SLC36A1: variants seen among roughly 807,000 people sequenced by gnomAD.
SLC36A1 encodes the protein proton-coupled amino acid transporter 1.
In SLC36A1, 30 loss-of-function variants were observed where a neutral mutation model predicts 47.5. The ratio of observed to expected loss-of-function variants is 0.63; its 90% confidence interval spans 0.47 to 0.86. SLC36A1 has a LOEUF of 0.86. Ranked by LOEUF, SLC36A1 falls within the 40% of genes least tolerant of loss-of-function variation. SLC36A1 has a pLI of 0.00. For synonymous variants in SLC36A1, 255 were observed against 249.7 expected (o/e 1.02, Z -0.20); for missense variants, 517 against 606.0 (o/e 0.85, Z 1.54).
the SLC36A1 span, among the ~76,000 whole-genome samples, chr5:151,389,303 C>T: frequency 6.6e-6 from 1 of 152,138 alleles, no homozygotes; most frequent in African/African-American, 2.4e-5. Flanking sequence ...CTTTCCCTCC[C>T]TTTGTAATCT....
chr5:151,495,744 A>G (rs533719620), downstream of SLC36A1, among the ~76,000 whole-genome samples: 25 of 152,320 alleles, frequency 1.6e-4, no homozygotes, highest in African/African-American at 6.0e-4. Flanking sequence ...TCATGAAATT[A>G]ATAATAATAA....
the SLC36A1 span, among the ~76,000 whole-genome samples, chr5:151,348,197 G>A: frequency 0.013 from 1,951 of 152,238 alleles, 64 homozygotes; most frequent in East Asian, 0.15. Context: ...TGGAAACGGG[G>A]AAGAGGCTGA....
At chr5:151,388,525 G>A in the SLC36A1 span, among the ~76,000 whole-genome samples, 2,102 of 84,452 alleles carry the variant, frequency 0.025, 2 homozygotes, top group African/African-American at 0.047. Flanking sequence ...AAAAAAAAAA[G>A]AACTTTGGTC....
the SLC36A1 span, among the ~76,000 whole-genome samples, chr5:151,499,549 G>A: frequency 6.6e-6 from 1 of 152,226 alleles, no homozygotes. Flanking sequence ...AACAGATGTC[G>A]TTTTCCCCCC....
At chr5:151,358,598 C>A in the SLC36A1 span, among the ~76,000 whole-genome samples, 1 of 152,148 alleles carries the variant, frequency 6.6e-6, no homozygotes, top group African/African-American at 2.4e-5. Context: ...ATTTTTCTAT[C>A]CCCAATTCCT....
chr5:151,464,906 G>A (rs1395890713), intron 4 of SLC36A1, among the ~76,000 whole-genome samples, 168 bp from the exon 5 acceptor site: 1 of 152,138 alleles, frequency 6.6e-6, no homozygotes, highest in African/African-American at 2.4e-5. Context: ...TAACCATCCT[G>A]TCGACTGAAT....
chr5:151,356,404 G>A, the SLC36A1 span, among the ~76,000 whole-genome samples: 5 of 148,078 alleles, frequency 3.4e-5, no homozygotes, highest in South Asian at 4.3e-4. Flanking sequence ...AAAGTGCTAC[G>A]AGAGAGAGAT....
At chr5:151,381,572 G>C in the SLC36A1 span, among the ~76,000 whole-genome samples, 1 of 152,156 alleles carries the variant, frequency 6.6e-6, no homozygotes, top group Non-Finnish European at 1.5e-5. Flanking sequence ...CATGCACCTG[G>C]AGGCTACAAG....
intron 1 of SLC36A1, among the ~76,000 whole-genome samples, chr5:151,456,523 C>G (rs1754538475): frequency 1.3e-5 from 2 of 152,190 alleles, no homozygotes; most frequent in Admixed American, 1.3e-4. Context: ...CAAGAGGTTA[C>G]AATGCTGGTA....
chr5:151,522,238 C>A, the SLC36A1 span: 90 of 563,972 alleles, frequency 1.6e-4, 1 homozygote, highest in African/African-American at 1.2e-3. Context: ...AAAAAAAAAA[C>A]CTAACTCCAA....
chr5:151,467,448 G>A (rs1240162940), intron 6 of SLC36A1, among the ~76,000 whole-genome samples, 165 bp downstream of exon 6: 1 of 152,132 alleles, frequency 6.6e-6, no homozygotes, highest in African/African-American at 2.4e-5. Context: ...TGATTCCCAT[G>A]GAAAGAGCTC....
In SLC36A1 at chr5:151,491,673, A is replaced by G. The variant is rs1760131196; in HGVS notation, c.*3419A>G. 1 of 152,532 alleles carries G rather than the reference A, an allele frequency of 6.6e-6. No homozygotes were observed. The highest frequency in any genetic ancestry group is 1.5e-5 in the Non-Finnish European group (1 of 68,024). The allele number at this position is 152,532 out of a possible 1,614,324, so 9.4% of individuals were successfully genotyped here. A position where few individuals can be genotyped will look rare whatever the true frequency, so the allele number is the denominator to read the frequency against. On this transcript the variant is annotated 3_prime_UTR_variant, in exon 11 of 11. Transcript: ENST00000243389. ...AAGGGGTTCTGTATCAGTGGATTTC[A>G]TTTTGTAGCTGCTGAGATGTTAAGG... is the stretch of plus-strand genomic sequence containing the variant.
the SLC36A1 span, chr5:151,549,582 C>G: frequency 8.2e-7 from 1 of 1,225,656 alleles, no homozygotes; most frequent in Non-Finnish European, 1.2e-6. Flanking sequence ...GGTTAATGAA[C>G]TAGAATGCCA....
chr5:151,534,993 ATATG>A, the SLC36A1 span, among the ~76,000 whole-genome samples: 3 of 139,636 alleles, frequency 2.1e-5, no homozygotes, highest in Non-Finnish European at 3.1e-5. Context: ...ATATATATAT[ATATG>A]TATACATTTT....
the SLC36A1 span, among the ~76,000 whole-genome samples, chr5:151,415,344 G>T: frequency 6.6e-6 from 1 of 152,104 alleles, no homozygotes; most frequent in African/African-American, 2.4e-5. Flanking sequence ...GTCACTGAGT[G>T]GTTCGACTCC....
the SLC36A1 span, chr5:151,510,891 C>G: frequency 6.6e-6 from 1 of 152,272 alleles, no homozygotes; most frequent in Non-Finnish European, 1.5e-5. Flanking sequence ...CAAACCACAC[C>G]AGGGTGGGCC....
At chr5:151,543,784 G>C in the SLC36A1 span, 1 of 1,614,222 alleles carries the variant, frequency 6.2e-7, no homozygotes, top group African/African-American at 1.3e-5. Context: ...ATTGTAAGAA[G>C]AGTCCAGGTG....
chr5:151,346,720 T>G, the SLC36A1 span, among the ~76,000 whole-genome samples: 1 of 152,126 alleles, frequency 6.6e-6, no homozygotes, highest in Non-Finnish European at 1.5e-5. Context: ...TTTTTTTATG[T>G]TTTGGAAGCC....
chr5:151,512,049 G>A, the SLC36A1 span: 2 of 911,152 alleles, frequency 2.2e-6, no homozygotes, highest in Non-Finnish European at 1.7e-6. The surrounding 1 kb of genome is among the most constrained non-coding windows in gnomAD (Gnocchi z 4.1). Flanking sequence ...CAAGTTAGGG[G>A]AAGAGAGAGA....
Sources: gnomAD v4.1 joint callset for allele counts (sites outside exome capture counted in the v4.1 genomes callset) on GRCh38, gnomAD v4.1.1 for gene constraint, Gnocchi (gnomAD v3.1) non-coding constraint, MANE v1.5 for transcripts, NCBI Gene and HGNC (gene_info 2026-07-23, HGNC 2026-07-21) for gene names.